The following PTPRU variants were observed in gnomAD, a reference collection of about 807,000 sequenced individuals.
PTPRU encodes the protein protein tyrosine phosphatase receptor type U, also known as receptor-type tyrosine-protein phosphatase U.
Under a neutral mutation model 166.3 loss-of-function variants are expected in PTPRU, and 69 were observed. The ratio of observed to expected loss-of-function variants is 0.41; its 90% CI spans 0.34 to 0.51. PTPRU has a LOEUF of 0.51. PTPRU is among the 20% of genes least tolerant of loss of function. PTPRU has a pLI of 0.09. For synonymous variants in PTPRU, 793 were observed against 814.0 expected (o/e 0.97, Z 0.44); for missense variants, 1,657 against 2,013.7 (o/e 0.82, Z 3.39).
chr1:29,324,269 C>T (rs1287543295), intron 28 of PTPRU, among the ~76,000 whole-genome samples: 1 of 152,204 alleles, frequency 6.6e-6, no homozygotes, highest in Non-Finnish European at 1.5e-5. Flanking sequence ...TTCATGCTTT[C>T]AGCATTTACT....
At position 29,325,138 on chromosome 1, in the gene PTPRU, C is replaced by T. The variant is rs1688347555; in HGVS notation, c.4113-53C>T. 6 of 1,608,686 alleles carry T rather than the reference C, an allele frequency of 3.7e-6. No individual in the cohort carries two copies. In the African/African-American group the frequency reaches 6.7e-5, roughly 18 times the overall value. ...TCCCTCGTGGTTCCCTGGCCCTTTT[C>T]TTACCTTCAGGTTCCAAGGCCCCGC... On this transcript the variant is annotated intron_variant, in intron 28 of 29. Transcript: ENST00000373779.
At chr1:29,304,099 T>TA (rs1418263186) in intron 16 of PTPRU, 54 bp downstream of exon 16, 1 of 1,558,664 alleles carries the variant, frequency 6.4e-7, no homozygotes, top group Non-Finnish European at 8.7e-7. Flanking sequence ...ACCTGGCTCT[T>TA]ACTCTCTGTG....
At chr1:29,323,144 C>A in intron 26 of PTPRU, 1 of 547,954 alleles carries the variant, frequency 1.8e-6, no homozygotes, top group Non-Finnish European at 3.3e-6. Context: ...TTCATCTTGG[C>A]TGATCTGAAC....
chr1:29,303,989 C>T lies in PTPRU; in HGVS notation c.2611C>T (p.Gln871Ter), dbSNP rs1687264346. The change falls in exon 16 of 30, where the codon CAG (glutamine) becomes TAG (stop). Residue 871 changes from glutamine to a stop codon, truncating the protein, a stop_gained. Transcript: ENST00000373779. LOFTEE classifies it high-confidence loss of function. The stretch of plus-strand genomic sequence containing the variant: ...TGCGGTGCGTGTCGCAGACCTTCTG[C>T]AGCACATCAACCAGATGAAGACGGC... ...HPAVRVADLL[Q>*]HINQMKTAEG... 1 of 1,613,182 alleles carries T rather than the reference C, an allele frequency of 6.2e-7. No individual in the cohort carries two copies. Among genetic ancestry groups the T allele is most frequent in the Non-Finnish European group, 8.5e-7 (1 of 1,179,616 alleles).
chr1:29,321,075 G>A (rs1467737887), intron 26 of PTPRU, among the ~76,000 whole-genome samples: 3 of 152,114 alleles, frequency 2.0e-5, no homozygotes, highest in Admixed American at 6.6e-5. Flanking sequence ...CCAGGCTGGA[G>A]TGCAGTGGCG....
chr1:29,283,666 C>A, intron 12 of PTPRU: 1 of 498,356 alleles, frequency 2.0e-6, no homozygotes, highest in Non-Finnish European at 3.6e-6. Context: ...CTAGGCCTCG[C>A]CCCGATGCCC....
At chr1:29,277,362 A>G (rs1685852377) in intron 8 of PTPRU, among the ~76,000 whole-genome samples, 1 of 152,132 alleles carries the variant, frequency 6.6e-6, no homozygotes, top group Non-Finnish European at 1.5e-5. Context: ...TGGCCCTGCA[A>G]AGTGCGGAGA....
intron 17 of PTPRU, 74 bp from the exon 18 acceptor site, chr1:29,305,278 C>T (rs1687334549): frequency 1.6e-5 from 23 of 1,452,940 alleles, no homozygotes; most frequent in Non-Finnish European, 2.2e-5. Flanking sequence ...CCCCTAGCCT[C>T]CAGGAATCCC....
At chr1:29,261,620 C>T (rs929729149) in intron 7 of PTPRU, among the ~76,000 whole-genome samples, 1 of 152,182 alleles carries the variant, frequency 6.6e-6, no homozygotes, top group Non-Finnish European at 1.5e-5. Flanking sequence ...ACCTCCGCCT[C>T]CTGGGTTCAA....
In PTPRU at chr1:29,259,973, A is replaced by T. The variant is rs1353863394; in HGVS notation, c.779A>T (p.Asp260Val). 1 of 1,556,294 alleles carries T rather than the reference A, an allele frequency of 6.4e-7. No homozygotes were observed. Among genetic ancestry groups the T allele is most frequent in the Non-Finnish European group, 8.6e-7 (1 of 1,158,542 alleles). ...PLAAVSRAEQ[D>V]LYRCVSQAPR... ...GCTGCCGTGAGCCGCGCCGAGCAGG[A>T]CCTGTACCGCTGTGTGTCCCAGGCC... Residue 260 changes from aspartate to valine, a missense_variant, in exon 6 of 30, where the codon GAC becomes GTC. Asp to Val is a radical substitution (Grantham distance 152). Around this residue, in one of 3 missense-constraint regions of PTPRU, gnomAD observed 453 missense variants for 496.9 expected, o/e 0.91. Coordinates refer to ENST00000373779, the MANE Select transcript of PTPRU (RefSeq NM_133178.4).
chr1:29,323,872 G>T (rs2151972504), intron 28 of PTPRU, 84 bp downstream of exon 28: 3 of 1,487,264 alleles, frequency 2.0e-6, no homozygotes, highest in African/African-American at 2.8e-5. Context: ...GCCAGCTTTG[G>T]CTGGACTGCA....
At chr1:29,244,360 G>A (rs1167981463) in intron 1 of PTPRU, among the ~76,000 whole-genome samples, 6 of 151,908 alleles carry the variant, frequency 3.9e-5, no homozygotes, top group African/African-American at 7.3e-5. Flanking sequence ...AGGGACAGGC[G>A]GTATTGGGGG....
rs549563584 is a variant in PTPRU, at chr1:29,280,313, T to G, written c.1868+172T>G. On this transcript the variant is annotated intron_variant, in intron 11 of 29. Coordinates refer to ENST00000373779, the MANE Select transcript of PTPRU (RefSeq NM_133178.4). This position sits in a 1 kb window ranked among gnomAD's most constrained non-coding sequence, Gnocchi z 4.2. ...TGTGATGCTTGGCAGGCAAGAAGCC[T>G]GCAGTCCCTCCCCTCTGAGGCCATG... Among the ~76,000 whole-genome samples, 3 of 152,326 alleles carry G rather than the reference T, an allele frequency of 2.0e-5. No homozygotes were observed. The highest frequency in any genetic ancestry group is 2.0e-4 in the Admixed American group (3 of 15,306).
At chr1:29,283,919 G>GAC in intron 12 of PTPRU, 21 bp from the exon 13 acceptor site, 1 of 1,614,032 alleles carries the variant, frequency 6.2e-7, no homozygotes, top group Non-Finnish European at 8.5e-7. Flanking sequence ...GCAACGCTGA[G>GAC]ACCCCCATCT....
intron 7 of PTPRU, among the ~76,000 whole-genome samples, chr1:29,274,001 C>T (rs1557436105): frequency 6.6e-6 from 1 of 152,150 alleles, no homozygotes; most frequent in Non-Finnish European, 1.5e-5. Flanking sequence ...GCACTTGTCT[C>T]ACTAGATTAC....
chr1:29,280,281 A>G lies in PTPRU; in HGVS notation c.1868+140A>G. 1 of 836,870 alleles carries G rather than the reference A, an allele frequency of 1.2e-6. No homozygotes were observed. The highest frequency in any genetic ancestry group is 1.8e-6 in the Non-Finnish European group (1 of 546,420). 51.8% of individuals were successfully genotyped at this position (836,870 alleles called of 1,614,324 possible). A position where few individuals can be genotyped will look rare whatever the true frequency, so the allele number is the denominator to read the frequency against. On this transcript the variant is annotated intron_variant, in intron 11 of 29. Transcript: ENST00000373779. The surrounding 1 kb of genome is among the most constrained non-coding windows in gnomAD (Gnocchi z 4.2). ...GCAGGGCTTGGAGTGTCTGGAGGAG[A>G]TTGTTCTGTGATGCTTGGCAGGCAA... is the stretch of plus-strand genomic sequence containing the variant.
At chr1:29,240,153 T>C (rs1260295624) in intron 1 of PTPRU, among the ~76,000 whole-genome samples, 3 of 152,174 alleles carry the variant, frequency 2.0e-5, no homozygotes, top group Non-Finnish European at 4.4e-5. Context: ...CTCCTGCAAC[T>C]TGATGGGCTC....
chr1:29,260,210 G>A lies in PTPRU; in HGVS notation c.850+166G>A, dbSNP rs1684990882. ...CTGTGGAAATGGCAGTGGCCCAGCC[G>A]GGATGAGATCTGATCTAGGGGTCGG... On this transcript the variant is annotated intron_variant, in intron 6 of 29. Transcript: ENST00000373779. The surrounding 1 kb of genome is among the most constrained non-coding windows in gnomAD (Gnocchi z 8.3). The A allele has an allele frequency of 2.5e-6, 2 of 815,736 alleles. No individual in the cohort carries two copies. The highest frequency in any genetic ancestry group is 3.5e-6 in the Non-Finnish European group (2 of 577,404). 50.5% of individuals were successfully genotyped at this position (815,736 alleles called of 1,614,324 possible).
Position 29,284,724 on chromosome 1 carries a change from T to C in PTPRU, c.2180-7T>C. Reference sequence around the variant, plus strand: ...TCTGATCCCTTGTTCTGCTTTGTTCTCCCCAGCTGCCTGCAAGGAAAGCAA... The same window carrying C: ...TCTGATCCCTTGTTCTGCTTTGTTCCCCCCAGCTGCCTGCAAGGAAAGCAA... On this transcript the variant is annotated splice_polypyrimidine_tract_variant and splice_region_variant and intron_variant, in intron 13 of 29. Transcript: ENST00000373779. 6.2e-7 allele frequency: 1 copy of C among 1,614,012 alleles called. No individual in the cohort carries two copies. Among genetic ancestry groups the C allele is most frequent in the South Asian group, 1.1e-5 (1 of 91,080 alleles).
Sources: allele counts gnomAD v4.1 joint callset (sites outside exome capture counted in the v4.1 genomes callset), GRCh38; gene constraint gnomAD v4.1.1; regional missense constraint gnomAD v4.1.1; non-coding constraint Gnocchi (gnomAD v3.1); transcripts MANE v1.5; gene names NCBI Gene and HGNC (gene_info 2026-07-23, HGNC 2026-07-21).